The following SCAI variants were observed in gnomAD, a reference collection of about 807,000 sequenced individuals.
SCAI encodes the protein suppressor of cancer cell invasion.
In SCAI, 24 loss-of-function variants were observed where a neutral mutation model predicts 92.2. The observed-to-expected ratio is 0.26, with a 90% CI of 0.19 to 0.37. The LOEUF is 0.37. SCAI is among the 10% of genes least tolerant of loss of function. The pLI is 1.00. For missense variants in SCAI, 450 were observed against 736.2 expected (o/e 0.61, Z 4.50); for synonymous variants, 261 against 258.6 (o/e 1.01, Z -0.09).
At chr9:125,020,072 C>CAA (rs11298022) in intron 7 of SCAI, among the ~76,000 whole-genome samples, 3 of 112,318 alleles carry the variant, frequency 2.7e-5, no homozygotes, top group Non-Finnish European at 1.9e-5. Context: ...GACCTTGTCT[C>CAA]AAAAAAAAAA....
At chr9:125,120,248 T>G (rs534141964) in intron 2 of SCAI, among the ~76,000 whole-genome samples, 1 of 152,226 alleles carries the variant, frequency 6.6e-6, no homozygotes, top group Non-Finnish European at 1.5e-5. Flanking sequence ...TTTTTGTTAA[T>G]AGTATTTATT....
intron 2 of SCAI, among the ~76,000 whole-genome samples, chr9:125,056,877 G>A (rs551187851): frequency 1.3e-5 from 2 of 151,850 alleles, no homozygotes; most frequent in South Asian, 2.1e-4. Context: ...AGTATAAAAG[G>A]GATATAAAAT....
At chr9:125,022,688 GAT>G (rs2131076963) in intron 6 of SCAI, among the ~76,000 whole-genome samples, 1 of 152,274 alleles carries the variant, frequency 6.6e-6, no homozygotes, top group African/African-American at 2.4e-5. Context: ...AAAGTGTTGG[GAT>G]AACAGGTGTG....
chr9:125,020,896 T>A lies in SCAI; in HGVS notation c.513-127A>T. On this transcript the variant is annotated intron_variant, in intron 6 of 17. Coordinates refer to ENST00000336505, the MANE Select transcript of SCAI (RefSeq NM_001144877.3). Reference sequence around the variant, plus strand: ...GCACAATTATAAACATTCCCACATATAAGCATATAGTCTTTTTAAAATATT... The same window carrying A: ...GCACAATTATAAACATTCCCACATAAAAGCATATAGTCTTTTTAAAATATT... The A allele has an allele frequency of 5.8e-6, 3 of 513,670 alleles. 1 individual carries two copies. In the South Asian group the frequency reaches 9.4e-5, roughly 16 times the overall value. 31.8% of individuals were successfully genotyped at this position (513,670 alleles called of 1,614,324 possible).
intron 17 of SCAI, chr9:124,968,569 AC>A (rs3832633): frequency 0.025 from 22,919 of 914,258 alleles, 1,507 homozygotes; most frequent in East Asian, 0.22. Context: ...TAGTCCTCAA[AC>A]GTGTATGGCT....
At chr9:124,955,258 T>C (rs760780402) in intron 17 of SCAI, among the ~76,000 whole-genome samples, 1 of 149,478 alleles carries the variant, frequency 6.7e-6, no homozygotes, top group Non-Finnish European at 1.5e-5. Flanking sequence ...TATATTAAAG[T>C]AAAAAGGAAA....
chr9:124,971,545 G>C, intron 16 of SCAI, 75 bp from the exon 17 acceptor site: 1 of 1,424,962 alleles, frequency 7.0e-7, no homozygotes. Flanking sequence ...GGAAACTTCA[G>C]GAAAGCGTTC....
At chr9:125,105,120 C>A (rs56384158) in intron 2 of SCAI, among the ~76,000 whole-genome samples, 13,917 of 151,980 alleles carry the variant, frequency 0.092, 855 homozygotes, top group Non-Finnish European at 0.13. Context: ...TCATGTACCT[C>A]TAAAACTTCA....
At chr9:124,956,283 A>G (rs568338334) in intron 17 of SCAI, among the ~76,000 whole-genome samples, 8 of 152,290 alleles carry the variant, frequency 5.3e-5, no homozygotes, top group African/African-American at 1.9e-4. Flanking sequence ...CAATGGCACA[A>G]TCTTGGCTCA....
At chr9:124,979,471 C>T (rs1034005807) in intron 14 of SCAI, among the ~76,000 whole-genome samples, 8 of 151,740 alleles carry the variant, frequency 5.3e-5, no homozygotes, top group East Asian at 2.0e-4. Context: ...ACCCAGGAGG[C>T]GGAGGTTGCA....
intron 2 of SCAI, among the ~76,000 whole-genome samples, chr9:125,113,832 C>T (rs868446416): frequency 4.6e-5 from 7 of 152,144 alleles, no homozygotes; most frequent in South Asian, 2.1e-4. Flanking sequence ...CGTGGTGGTG[C>T]ATGCCTGTAA....
At chr9:124,968,311 A>T in intron 17 of SCAI, 1 of 1,221,902 alleles carries the variant, frequency 8.2e-7, no homozygotes, top group East Asian at 2.3e-5. Context: ...TCTTCTCCAG[A>T]ATAGGCCAAG....
chr9:124,979,865 C>T (rs1432012204), intron 14 of SCAI, among the ~76,000 whole-genome samples: 2 of 151,760 alleles, frequency 1.3e-5, no homozygotes, highest in African/African-American at 2.4e-5. Context: ...CTGGCTAACA[C>T]GGTGAAACCC....
intron 3 of SCAI, among the ~76,000 whole-genome samples, chr9:125,038,229 C>G (rs1833242154): frequency 6.6e-6 from 1 of 152,160 alleles, no homozygotes; most frequent in Non-Finnish European, 1.5e-5. Context: ...TGCAGTCCAA[C>G]AAGACCCTAC....
chr9:125,098,370 T>C (rs1834609802), intron 2 of SCAI, among the ~76,000 whole-genome samples: 1 of 152,102 alleles, frequency 6.6e-6, no homozygotes, highest in Non-Finnish European at 1.5e-5. Flanking sequence ...ATTTAGAACA[T>C]GACAGAAAAT....
chr9:124,990,487 T>TAAAAC (rs1013360192), intron 14 of SCAI, among the ~76,000 whole-genome samples: 24 of 152,066 alleles, frequency 1.6e-4, no homozygotes, highest in African/African-American at 4.6e-4. Flanking sequence ...AGCCTCCCTC[T>TAAAAC]AAAACAAAAC....
intron 6 of SCAI, among the ~76,000 whole-genome samples, chr9:125,021,261 A>G (rs1270874752): frequency 2.0e-5 from 3 of 152,212 alleles, no homozygotes; most frequent in Non-Finnish European, 4.4e-5. Flanking sequence ...AGGCAGGAAA[A>G]TATGATCTCT....
chr9:125,101,641 T>C (rs1834680324), intron 2 of SCAI, among the ~76,000 whole-genome samples: 1 of 152,162 alleles, frequency 6.6e-6, no homozygotes. Flanking sequence ...ATTTTGAGTC[T>C]AGAGTTCAGG....
rs538274942 is a variant in SCAI at position 124,947,680 on chromosome 9, A to G, written c.*5127T>C. The G allele has an allele frequency of 2.3e-4, 35 of 152,372 alleles. No individual in the cohort carries two copies. The highest frequency in any genetic ancestry group is 3.5e-4 in the Non-Finnish European group (24 of 68,036). The allele number at this position is 152,372 out of a possible 1,614,324, so 9.4% of individuals were successfully genotyped here. On this transcript the variant is annotated 3_prime_UTR_variant, in exon 18 of 18. Coordinates refer to ENST00000336505, the MANE Select transcript of SCAI (RefSeq NM_001144877.3). ...AAAAGTATACACAGAGATTGCATGTAGCATCACAAAAATATACATATGCCA... is the reference window on the plus strand; with the variant it reads ...AAAAGTATACACAGAGATTGCATGTGGCATCACAAAAATATACATATGCCA...
Sources: gnomAD v4.1 joint callset for allele counts (sites outside exome capture counted in the v4.1 genomes callset) on GRCh38, gnomAD v4.1.1 for gene constraint, MANE v1.5 for transcripts, NCBI Gene and HGNC (gene_info 2026-07-23, HGNC 2026-07-21) for gene names.